ZBTB20: variants seen among roughly 807,000 people sequenced by gnomAD.
The protein encoded by ZBTB20 is zinc finger and BTB domain-containing protein 20.
A neutral mutation model predicts 56.9 loss-of-function variants in ZBTB20; 9 were observed. The ratio of observed to expected loss-of-function variants is 0.16; its 90% confidence interval spans 0.10 to 0.28. The LOEUF (loss-of-function observed/expected upper bound fraction) is 0.28, where lower values mean the gene tolerates loss of function less well. Ranked by LOEUF, ZBTB20 falls within the 10% of genes least tolerant of loss-of-function variation. The pLI is 1.00. For synonymous variants in ZBTB20, 417 were observed against 420.7 expected, an observed-to-expected ratio of 0.99 and a Z score of 0.11; for missense variants, 655 against 1,003.0, an observed-to-expected ratio of 0.65 and a Z score of 4.69.
intron 3 of ZBTB20, among the ~76,000 whole-genome samples, chr3:114,901,548 A>T (rs2107671079): frequency 1.3e-5 from 2 of 152,258 alleles, no homozygotes; most frequent in South Asian, 4.1e-4. Flanking sequence ...TAGTCCCAGG[A>T]ATCAAATGTA....
chr3:114,706,720 C>T (rs2063739167), intron 5 of ZBTB20, among the ~76,000 whole-genome samples: 1 of 152,162 alleles, frequency 6.6e-6, no homozygotes, highest in South Asian at 2.1e-4. Flanking sequence ...CACACTTTCC[C>T]CAAAGCTCTT....
At chr3:114,717,398 C>A (rs1257893485) in intron 5 of ZBTB20, among the ~76,000 whole-genome samples, 1 of 152,072 alleles carries the variant, frequency 6.6e-6, no homozygotes, top group Non-Finnish European at 1.5e-5. Context: ...GCTAGTAGAA[C>A]TTTAAGTAGA....
At chr3:114,795,963 T>C (rs1369487198) in intron 5 of ZBTB20, among the ~76,000 whole-genome samples, 1 of 152,070 alleles carries the variant, frequency 6.6e-6, no homozygotes, top group Non-Finnish European at 1.5e-5. Context: ...TAAAGTGCTA[T>C]AAAATATAGA....
At chr3:114,587,185 C>T (rs190380053) in intron 6 of ZBTB20, among the ~76,000 whole-genome samples, 1 of 151,824 alleles carries the variant, frequency 6.6e-6, no homozygotes, top group Admixed American at 6.6e-5. Flanking sequence ...TTAGTAGAGA[C>T]GGGGTTTCAC....
chr3:115,019,630 A>G (rs189621193), intron 2 of ZBTB20, among the ~76,000 whole-genome samples: 2 of 151,280 alleles, frequency 1.3e-5, no homozygotes, highest in Non-Finnish European at 3.0e-5. Context: ...TATAAAAGTT[A>G]TATTACAAAA....
chr3:114,419,941 T>C (rs921474633), intron 7 of ZBTB20, among the ~76,000 whole-genome samples: 1 of 152,132 alleles, frequency 6.6e-6, no homozygotes, highest in African/African-American at 2.4e-5. Flanking sequence ...TGGGTGGGCA[T>C]GGCCCAGATC....
chr3:114,341,264 CTT>C (rs35387583), intron 11 of ZBTB20, among the ~76,000 whole-genome samples: 46 of 148,562 alleles, frequency 3.1e-4, no homozygotes, highest in Admixed American at 6.0e-4. Flanking sequence ...ACATTGGTAC[CTT>C]TTTTTTTTTT....
intron 6 of ZBTB20, among the ~76,000 whole-genome samples, chr3:114,667,197 C>T (rs1195861097): frequency 6.6e-6 from 1 of 151,892 alleles, no homozygotes; most frequent in Admixed American, 6.6e-5. Context: ...CTTAGCGTTC[C>T]AATAATGGAA....
intron 2 of ZBTB20, among the ~76,000 whole-genome samples, chr3:115,033,565 C>G (rs2080791828): frequency 6.6e-6 from 1 of 151,676 alleles, no homozygotes; most frequent in Non-Finnish European, 1.5e-5. Flanking sequence ...AAAGAGGTAT[C>G]TGCACTCTTA....
intron 3 of ZBTB20, among the ~76,000 whole-genome samples, chr3:114,947,120 C>G (rs1414433584): frequency 6.9e-6 from 1 of 145,578 alleles, no homozygotes; most frequent in East Asian, 1.9e-4. Context: ...TCATCTCAGA[C>G]TACTCAGAAC....
rs116757223 is a variant in ZBTB20, at chr3:114,348,749, T to C, written c.1804+1525A>G. On this transcript the variant is annotated intron_variant, in intron 11 of 11. Transcript: ENST00000675478. ...CTCTATCTCTGTTGCTTTCCTTCCCTTCAGTCCCCAATCTAAACTTCACTG... is the reference window on the plus strand; with the variant it reads ...CTCTATCTCTGTTGCTTTCCTTCCCCTCAGTCCCCAATCTAAACTTCACTG... Among the ~76,000 whole-genome samples the C allele has an allele frequency of 6.1e-3, 933 of 152,358 alleles. 9 individuals are homozygous for C. Among genetic ancestry groups the C allele is most frequent in the African/African-American group, 0.021 (887 of 41,576 alleles).
chr3:115,078,199 T>C (rs994619467), intron 1 of ZBTB20, among the ~76,000 whole-genome samples: 4 of 152,200 alleles, frequency 2.6e-5, no homozygotes, highest in South Asian at 2.1e-4. Context: ...ACTAATCTTG[T>C]TATTTGTATA....
At chr3:114,652,039 T>TTA (rs1219466160) in intron 6 of ZBTB20, among the ~76,000 whole-genome samples, 1 of 152,022 alleles carries the variant, frequency 6.6e-6, no homozygotes, top group African/African-American at 2.4e-5. Context: ...GAGGTATAAT[T>TTA]TATATTCAGC....
chr3:115,004,854 G>T (rs940970194), intron 2 of ZBTB20, among the ~76,000 whole-genome samples: 1 of 151,654 alleles, frequency 6.6e-6, no homozygotes, highest in African/African-American at 2.4e-5. Flanking sequence ...TCATTTCAAG[G>T]ATCTCTATGG....
intron 6 of ZBTB20, among the ~76,000 whole-genome samples, chr3:114,633,786 A>G (rs189246671): frequency 6.6e-6 from 1 of 152,220 alleles, no homozygotes; most frequent in Non-Finnish European, 1.5e-5. Flanking sequence ...TATTATTAAA[A>G]TGATAGTTTA....
At chr3:114,631,382 CTTTTTTTT>C (rs66470152) in intron 6 of ZBTB20, among the ~76,000 whole-genome samples, 193 of 49,822 alleles carry the variant, frequency 3.9e-3, no homozygotes, top group Non-Finnish European at 4.3e-3. Context: ...ATAGGTTATT[CTTTTTTTT>C]TTTTTTTTTT....
At chr3:114,946,895 T>C (rs1022626129) in intron 3 of ZBTB20, among the ~76,000 whole-genome samples, 11 of 145,482 alleles carry the variant, frequency 7.6e-5, no homozygotes, top group Non-Finnish European at 1.2e-4. Context: ...AGAAAATATG[T>C]ACAAACTATC....
intron 1 of ZBTB20, among the ~76,000 whole-genome samples, chr3:115,132,732 T>C (rs1044363422): frequency 2.6e-5 from 4 of 151,914 alleles, no homozygotes; most frequent in Non-Finnish European, 5.9e-5. Flanking sequence ...GCCACTGCAC[T>C]CCAGCCTGGG....
At chr3:115,095,653 T>C (rs1007172866) in intron 1 of ZBTB20, among the ~76,000 whole-genome samples, 5 of 152,202 alleles carry the variant, frequency 3.3e-5, no homozygotes, top group African/African-American at 1.2e-4. Context: ...GGTTACTACA[T>C]ACATGATAGT....
Sources: gnomAD v4.1 joint callset for allele counts (sites outside exome capture counted in the v4.1 genomes callset) on GRCh38, gnomAD v4.1.1 for gene constraint, MANE v1.5 for transcripts, NCBI Gene and HGNC (gene_info 2026-07-23, HGNC 2026-07-21) for gene names.